Variants in MSANTD4 observed in about 807,000 individuals in gnomAD.
MSANTD4 encodes the protein Myb/SANT DNA binding domain containing 4 with coiled-coils, also known as myb/SANT-like DNA-binding domain-containing protein 4.
A neutral mutation model predicts 34.3 loss-of-function variants in MSANTD4; 13 were observed. The observed-to-expected ratio is 0.38, with a 90% CI of 0.25 to 0.60. The LOEUF is 0.60. MSANTD4 is among the 20% of genes least tolerant of loss of function. The probability of loss-of-function intolerance (pLI) is 0.63; values close to 1 mark genes in which losing one functional copy is unlikely to be tolerated. For missense variants in MSANTD4, 358 were observed against 401.8 expected, an observed-to-expected ratio of 0.89 and a Z score of 0.93; for synonymous variants, 137 against 145.2, an observed-to-expected ratio of 0.94 and a Z score of 0.41.
At chr11:106,014,140 A>G (rs575507172) in intron 1 of MSANTD4, among the ~76,000 whole-genome samples, 1 of 152,284 alleles carries the variant, frequency 6.6e-6, no homozygotes, top group South Asian at 2.1e-4. Context: ...TTTGGTAAAT[A>G]TCGATATTTT....
In MSANTD4 at chr11:106,011,044, G is replaced by A. The variant is rs1859676278; in HGVS notation, c.-127C>T. On this transcript the variant is annotated 5_prime_UTR_variant, in exon 2 of 3. Coordinates refer to ENST00000301919, the MANE Select transcript of MSANTD4 (RefSeq NM_032424.3). ...CAAATCATTGTCTTCCATTCATCTA[G>A]TGGCAAGGCAGTCTGGATAATTCCT... 1.4e-6 allele frequency: 2 copies of A among 1,414,848 alleles called. No individual in the cohort carries two copies. The highest frequency in any genetic ancestry group is 3.2e-5 in the South Asian group (2 of 62,790). 87.6% of individuals were successfully genotyped at this position (1,414,848 alleles called of 1,614,324 possible).
At chr11:106,013,364 T>C (rs1451919415) in intron 1 of MSANTD4, among the ~76,000 whole-genome samples, 1 of 152,160 alleles carries the variant, frequency 6.6e-6, no homozygotes, top group Non-Finnish European at 1.5e-5. Flanking sequence ...TATCAAACTA[T>C]CCATGAAGTT....
At chr11:106,010,163 T>C in intron 2 of MSANTD4, 53 bp from the exon 3 acceptor site, 11 of 1,446,304 alleles carry the variant, frequency 7.6e-6, no homozygotes, top group Non-Finnish European at 9.2e-6. Context: ...TTTGTGGCAA[T>C]TTGTCTAAAT....
chr11:106,011,550 T>C (rs767224346), intron 1 of MSANTD4, among the ~76,000 whole-genome samples: 2 of 152,176 alleles, frequency 1.3e-5, no homozygotes, highest in Non-Finnish European at 2.9e-5. Flanking sequence ...TCCTGACAAA[T>C]CAAATTACTC....
chr11:106,014,540 A>G (rs1859790258), intron 1 of MSANTD4, among the ~76,000 whole-genome samples: 1 of 152,236 alleles, frequency 6.6e-6, no homozygotes, highest in African/African-American at 2.4e-5. Flanking sequence ...CTACTGAAGC[A>G]AAAATATAGC....
chr11:106,017,085 T>C (rs1280573074), intron 1 of MSANTD4, among the ~76,000 whole-genome samples: 2 of 152,178 alleles, frequency 1.3e-5, no homozygotes, highest in African/African-American at 2.4e-5. Context: ...GAAATATTTA[T>C]CAAAAGGGGA....
chr11:106,010,889 C>T lies in MSANTD4; in HGVS notation c.29G>A (p.Ser10Asn). ...CTGAGTTTCTTGAACACTAAAATTG[C>T]TTTTCCTTTTTCTTTTCAACTGCTT... Reference protein sequence around the residue: MKQLKRKRKSNFSVQETQTL... With the variant: MKQLKRKRKNNFSVQETQTL... Residue 10 changes from serine to asparagine, a missense_variant, in exon 2 of 3, where the codon AGC becomes AAC. By Grantham distance (46) the Ser-to-Asn change is conservative (BLOSUM62 1). This residue lies in a region of MSANTD4 where 46 missense variants were observed against 84.3 expected (regional missense o/e 0.55). Coordinates refer to ENST00000301919, the MANE Select transcript of MSANTD4 (RefSeq NM_032424.3). 6.2e-7 allele frequency: 1 copy of T among 1,601,546 alleles called. No homozygotes were observed. Among genetic ancestry groups the T allele is most frequent in the Non-Finnish European group, 8.5e-7 (1 of 1,174,088 alleles).
At chr11:106,019,339 AG>A (rs1859958304) in intron 1 of MSANTD4, among the ~76,000 whole-genome samples, 1 of 152,224 alleles carries the variant, frequency 6.6e-6, no homozygotes, top group Non-Finnish European at 1.5e-5. Context: ...AAAAAGAAAC[AG>A]GTAAAAGTGA....
chr11:106,011,957 A>G (rs72981217), intron 1 of MSANTD4, among the ~76,000 whole-genome samples: 22,107 of 152,122 alleles, frequency 0.15, 1,741 homozygotes, highest in African/African-American at 0.18. Context: ...AACTCATTTT[A>G]AGGTTAATAA....
At chr11:106,015,938 A>G (rs908789812) in intron 1 of MSANTD4, among the ~76,000 whole-genome samples, 1 of 152,104 alleles carries the variant, frequency 6.6e-6, no homozygotes, top group Admixed American at 6.5e-5. Context: ...ATCATAATTC[A>G]TTGCACCCTC....
At chr11:106,019,780 TA>T (rs1426063360) in intron 1 of MSANTD4, among the ~76,000 whole-genome samples, 3 of 152,138 alleles carry the variant, frequency 2.0e-5, no homozygotes, top group Non-Finnish European at 4.4e-5. Flanking sequence ...CACAGATGCA[TA>T]AAAAAAGTAC....
intron 1 of MSANTD4, among the ~76,000 whole-genome samples, chr11:106,020,169 A>C (rs1859985824): frequency 6.6e-6 from 1 of 152,212 alleles, no homozygotes; most frequent in South Asian, 2.1e-4. Flanking sequence ...AAGAAAGACA[A>C]ATCTTTGATG....
intron 1 of MSANTD4, among the ~76,000 whole-genome samples, chr11:106,016,097 A>G (rs1445747444): frequency 1.3e-5 from 2 of 152,166 alleles, no homozygotes; most frequent in Non-Finnish European, 2.9e-5. Context: ...GCCTCAGGTG[A>G]TCCTCCTGCC....
chr11:106,009,773 T>C lies in MSANTD4; in HGVS notation c.800A>G (p.Gln267Arg), dbSNP rs1463444754. 14 of 1,614,248 alleles carry C rather than the reference T, an allele frequency of 8.7e-6. No homozygotes were observed. Among genetic ancestry groups the C allele is most frequent in the Non-Finnish European group, 1.2e-5 (14 of 1,180,048 alleles). The change falls in exon 3 of 3, where the codon CAG becomes CGG. Residue 267 changes from glutamine (Q) to arginine (R), a missense_variant. Transcript: ENST00000301919. Reference sequence around the variant, plus strand: ...GGACGGTTTCTCTGAATTGACTATCTGTAACCTCAACTTTTCTCTTTCAAT... The same window carrying C: ...GGACGGTTTCTCTGAATTGACTATCCGTAACCTCAACTTTTCTCTTTCAAT... ...LQIEREKLRL[Q>R]IVNSEKPSLE...
intron 1 of MSANTD4, among the ~76,000 whole-genome samples, chr11:106,018,173 T>G (rs1157063329): frequency 1.3e-5 from 2 of 152,190 alleles, no homozygotes; most frequent in Non-Finnish European, 2.9e-5. Context: ...TTTCACTCCA[T>G]ATGCTGTATA....
chr11:106,012,692 G>A (rs1349594405), intron 1 of MSANTD4, among the ~76,000 whole-genome samples: 4 of 152,132 alleles, frequency 2.6e-5, no homozygotes, highest in African/African-American at 4.8e-5. Flanking sequence ...GGGAACTCTC[G>A]AAGTGGGACC....
intron 1 of MSANTD4, among the ~76,000 whole-genome samples, chr11:106,013,141 GAT>G (rs933663598): frequency 2.0e-5 from 3 of 152,176 alleles, no homozygotes; most frequent in Non-Finnish European, 4.4e-5. Flanking sequence ...TTGGAAAAGA[GAT>G]TTTAAAAGAT....
chr11:106,013,340 A>C (rs1023211270), intron 1 of MSANTD4, among the ~76,000 whole-genome samples: 1 of 152,328 alleles, frequency 6.6e-6, no homozygotes, highest in Admixed American at 6.5e-5. Context: ...TTTTCCTGTC[A>C]ATATGAAAAA....
chr11:106,012,720 A>G (rs879544831), intron 1 of MSANTD4, among the ~76,000 whole-genome samples: 5 of 152,188 alleles, frequency 3.3e-5, no homozygotes, highest in African/African-American at 1.2e-4. Flanking sequence ...CTGTGTTTCA[A>G]TAAACCCTCC....
Sources: allele counts gnomAD v4.1 joint callset (sites outside exome capture counted in the v4.1 genomes callset), GRCh38; gene constraint gnomAD v4.1.1; regional missense constraint gnomAD v4.1.1; transcripts MANE v1.5; gene names NCBI Gene and HGNC (gene_info 2026-07-23, HGNC 2026-07-21).